The following SLMAP variants were observed in gnomAD, a reference collection of about 807,000 sequenced individuals.
The protein encoded by SLMAP is sarcolemmal membrane-associated protein.
Under a neutral mutation model 128.8 loss-of-function variants are expected in SLMAP, and 44 were observed. The ratio of observed to expected loss-of-function variants is 0.34; its 90% CI spans 0.27 to 0.44. SLMAP has a LOEUF of 0.44. Among genes scored for constraint, SLMAP ranks in the 20% least tolerant of loss-of-function variants. SLMAP has a pLI of 1.00. For synonymous variants in SLMAP, 327 were observed against 348.8 expected (o/e 0.94, Z 0.70); for missense variants, 787 against 985.3 (o/e 0.80, Z 2.69).
chr3:57,780,839 C>T (rs1011279197), intron 2 of SLMAP, among the ~76,000 whole-genome samples: 7 of 151,658 alleles, frequency 4.6e-5, no homozygotes, highest in East Asian at 1.9e-4. Flanking sequence ...GATAGGGTCT[C>T]GCTGTGTTGC....
chr3:57,834,601 T>G (rs1041584674), intron 3 of SLMAP, among the ~76,000 whole-genome samples: 4 of 152,084 alleles, frequency 2.6e-5, no homozygotes, highest in Admixed American at 6.6e-5. Context: ...GATTCACCAT[T>G]GAAAAGACAC....
At chr3:57,815,076 A>G (rs924956287) in intron 2 of SLMAP, among the ~76,000 whole-genome samples, 1 of 152,146 alleles carries the variant, frequency 6.6e-6, no homozygotes, top group Non-Finnish European at 1.5e-5. Context: ...CAGTTTTTCC[A>G]TGGATGGTAG....
intron 13 of SLMAP, among the ~76,000 whole-genome samples, chr3:57,871,073 T>G (rs1387974733): frequency 6.6e-6 from 1 of 152,212 alleles, no homozygotes; most frequent in Non-Finnish European, 1.5e-5. Context: ...TTTGGTCATT[T>G]GGGCAGAGAT....
chr3:57,903,515 G>C (rs548215262), intron 17 of SLMAP, among the ~76,000 whole-genome samples: 1 of 152,334 alleles, frequency 6.6e-6, no homozygotes, highest in South Asian at 2.1e-4. Flanking sequence ...CAGTGTGTCA[G>C]AGTTCAGTTG....
At chr3:57,862,137 A>G (rs1370843973) in intron 10 of SLMAP, 51 bp downstream of exon 10, 16 of 1,419,868 alleles carry the variant, frequency 1.1e-5, no homozygotes, top group Non-Finnish European at 1.5e-5. Context: ...TCCCTAACAC[A>G]CTAGATAGCT....
chr3:57,805,740 A>G (rs2089677533), intron 2 of SLMAP, among the ~76,000 whole-genome samples: 3 of 152,166 alleles, frequency 2.0e-5, no homozygotes, highest in African/African-American at 2.4e-5. Flanking sequence ...GATATGTCCT[A>G]AAAGGCTTGG....
At position 57,831,406 on chromosome 3, in the gene SLMAP, T is replaced by C; in HGVS notation, c.222T>C (p.Ser74=). 1 of 1,564,590 alleles carries C rather than the reference T, an allele frequency of 6.4e-7. No individual in the cohort carries two copies. Among genetic ancestry groups the C allele is most frequent in the African/African-American group, 1.4e-5 (1 of 72,678 alleles). ...AGTTTTATCTTCAAGACACTAAAAG[T>C]AGTAATGGTACTTTTATAAATAGCC... The part of the protein sequence containing the change: ...TGKFYLQDTK[S]SNGTFINSQR... Residue 74 remains serine, a synonymous_variant, in exon 3 of 25, where the codon AGT becomes AGC. Transcript: ENST00000671191.
chr3:57,778,172 G>T (rs1182796533), intron 2 of SLMAP, among the ~76,000 whole-genome samples: 1 of 152,090 alleles, frequency 6.6e-6, no homozygotes, highest in Non-Finnish European at 1.5e-5. Flanking sequence ...AATAGAAACA[G>T]AGCTTTTCTA....
At chr3:57,897,243 A>G (rs2096265198) in intron 17 of SLMAP, 1 of 542,686 alleles carries the variant, frequency 1.8e-6, no homozygotes, top group Non-Finnish European at 2.8e-6. Context: ...TAACATAATT[A>G]GAATAAGGTG....
chr3:57,868,423 A>C (rs932628035), intron 13 of SLMAP, among the ~76,000 whole-genome samples: 4 of 150,916 alleles, frequency 2.7e-5, no homozygotes, highest in African/African-American at 9.8e-5. Context: ...AAAAAGAAAA[A>C]AAAAATTTTT....
chr3:57,897,282 C>T (rs922810986), intron 17 of SLMAP: 4 of 373,428 alleles, frequency 1.1e-5, no homozygotes, highest in East Asian at 4.8e-5. Context: ...AAAGACTCAC[C>T]GGTTTACTCT....
At chr3:57,814,693 G>A (rs2091595680) in intron 2 of SLMAP, among the ~76,000 whole-genome samples, 1 of 152,112 alleles carries the variant, frequency 6.6e-6, no homozygotes, top group African/African-American at 2.4e-5. Context: ...TTCACTTAGG[G>A]CTGGGTGCAG....
chr3:57,893,419 G>A (rs1289533340), intron 15 of SLMAP, among the ~76,000 whole-genome samples: 1 of 149,674 alleles, frequency 6.7e-6, no homozygotes, highest in Non-Finnish European at 1.5e-5. Context: ...GCAAGACCCT[G>A]TCTGAAAAAT....
intron 2 of SLMAP, among the ~76,000 whole-genome samples, chr3:57,773,055 C>T (rs2081199427): frequency 6.6e-6 from 1 of 152,158 alleles, no homozygotes; most frequent in Non-Finnish European, 1.5e-5. Flanking sequence ...TAAACGACAG[C>T]GTGTGTCATT....
intron 2 of SLMAP, among the ~76,000 whole-genome samples, chr3:57,818,741 G>T (rs1220991091): frequency 6.6e-6 from 1 of 152,186 alleles, no homozygotes; most frequent in Non-Finnish European, 1.5e-5. Context: ...AAAGAAATCA[G>T]CAATGCTTTT....
At chr3:57,768,953 C>T (rs1434085254) in intron 2 of SLMAP, among the ~76,000 whole-genome samples, 1 of 152,126 alleles carries the variant, frequency 6.6e-6, no homozygotes, top group Non-Finnish European at 1.5e-5. Flanking sequence ...GCACCCCCCA[C>T]CCCAGTTGCG....
chr3:57,767,348 T>G (rs942874975), intron 2 of SLMAP, among the ~76,000 whole-genome samples: 7 of 152,240 alleles, frequency 4.6e-5, no homozygotes, highest in Non-Finnish European at 7.3e-5. Context: ...GAGGGAAATG[T>G]GAACAATGGA....
intron 22 of SLMAP, among the ~76,000 whole-genome samples, chr3:57,919,189 T>A (rs1351930283): frequency 6.6e-6 from 1 of 152,182 alleles, no homozygotes; most frequent in Non-Finnish European, 1.5e-5. Context: ...AAGCCCAGCC[T>A]GACCAATATG....
chr3:57,909,705 C>T (rs1576231504), intron 19 of SLMAP, among the ~76,000 whole-genome samples: 1 of 151,710 alleles, frequency 6.6e-6, no homozygotes, highest in South Asian at 2.1e-4. Context: ...CTCCGCCTCC[C>T]AGGTTCAAGC....
Sources: allele counts gnomAD v4.1 joint callset (sites outside exome capture counted in the v4.1 genomes callset), GRCh38; gene constraint gnomAD v4.1.1; transcripts MANE v1.5; gene names NCBI Gene and HGNC (gene_info 2026-07-23, HGNC 2026-07-21).